SORCS2: variants seen among roughly 807,000 people sequenced by gnomAD.
SORCS2 encodes sortilin related VPS10 domain containing receptor 2.
Under a neutral mutation model 141.6 loss-of-function variants are expected in SORCS2, and 100 were observed. The observed-to-expected ratio is 0.71, with a 90% CI of 0.60 to 0.83. The LOEUF (loss-of-function observed/expected upper bound fraction) is 0.83, where lower values mean the gene tolerates loss of function less well. Ranked by LOEUF, SORCS2 falls within the 40% of genes least tolerant of loss-of-function variation. The probability of loss-of-function intolerance (pLI) is 0.00; values close to 1 mark genes in which losing one functional copy is unlikely to be tolerated. For synonymous variants in SORCS2, 789 were observed against 676.9 expected, an observed-to-expected ratio of 1.17 and a Z score of -2.57; for missense variants, 1,646 against 1,560.2, an observed-to-expected ratio of 1.05 and a Z score of -0.93.
chr4:7,582,351 G>T (rs1716213543), intron 3 of SORCS2, among the ~76,000 whole-genome samples: 1 of 152,214 alleles, frequency 6.6e-6, no homozygotes, highest in South Asian at 2.1e-4. Flanking sequence ...TGTGTGAAAT[G>T]ATTAAATACA....
chr4:7,527,912 G>C (rs992619884), intron 2 of SORCS2, among the ~76,000 whole-genome samples: 1 of 152,170 alleles, frequency 6.6e-6, no homozygotes. Flanking sequence ...GCTGAGGATG[G>C]CACCTGGACC....
intron 10 of SORCS2, among the ~76,000 whole-genome samples, chr4:7,685,928 A>T (rs1723846609): frequency 6.6e-6 from 1 of 152,204 alleles, no homozygotes; most frequent in South Asian, 2.1e-4. Context: ...AGATACAGAA[A>T]GGTATAAAAA....
chr4:7,633,617 G>A (rs1486590673), intron 3 of SORCS2, among the ~76,000 whole-genome samples: 5 of 152,326 alleles, frequency 3.3e-5, no homozygotes, highest in East Asian at 3.9e-4. Flanking sequence ...AAAACTTTGA[G>A]TGGTGAAGAC....
At chr4:7,600,672 C>T (rs911658442) in intron 3 of SORCS2, among the ~76,000 whole-genome samples, 8 of 149,304 alleles carry the variant, frequency 5.4e-5, no homozygotes, top group Non-Finnish European at 1.0e-4. Context: ...CACACACACA[C>T]ACACACACAC....
At chr4:7,433,485 C>T (rs771521999) in intron 2 of SORCS2, 1 of 1,587,382 alleles carries the variant, frequency 6.3e-7, no homozygotes, top group African/African-American at 1.3e-5. Context: ...AGGCCCCCAC[C>T]TTCTTGCACA....
intron 1 of SORCS2, among the ~76,000 whole-genome samples, chr4:7,227,562 C>T (rs1729061802): frequency 6.6e-6 from 1 of 152,116 alleles, no homozygotes; most frequent in African/African-American, 2.4e-5. Context: ...TGGCAGGGGG[C>T]ACGTTGCATC....
chr4:7,280,363 A>G (rs549849331), intron 1 of SORCS2, among the ~76,000 whole-genome samples: 1 of 152,236 alleles, frequency 6.6e-6, no homozygotes, highest in East Asian at 1.9e-4. Flanking sequence ...GACTGGACCA[A>G]AATTGACTGT....
chr4:7,249,562 G>A lies in SORCS2; in HGVS notation c.480+56436G>A, dbSNP rs989623363. Among the ~76,000 whole-genome samples the A allele has an allele frequency of 2.6e-5, 4 of 152,128 alleles. No homozygotes were observed. The East Asian group carries it at 7.7e-4, about 29-fold the overall frequency. ...TCCTTACTGTGCCACTGTCATTTGT[G>A]AGGGCTTCTAGGGCGCCAGGTCCTT... On this transcript the variant is annotated intron_variant, in intron 1 of 26. Coordinates refer to ENST00000507866, the MANE Select transcript of SORCS2 (RefSeq NM_020777.3).
chr4:7,404,005 T>TTTTTTG (rs1724801211), intron 2 of SORCS2, among the ~76,000 whole-genome samples: 1 of 59,760 alleles, frequency 1.7e-5, no homozygotes, highest in Non-Finnish European at 3.7e-5. Flanking sequence ...ATATTTTTTT[T>TTTTTTG]TTTTTTTTAG....
At chr4:7,246,340 GGCTTAAATGAAC>G (rs1417854742) in intron 1 of SORCS2, among the ~76,000 whole-genome samples, 5 of 152,130 alleles carry the variant, frequency 3.3e-5, no homozygotes. Context: ...GTGTTATTAT[GGCTTAAATGAAC>G]CCACAGATCT....
At chr4:7,392,363 T>C (rs1723921564) in intron 1 of SORCS2, among the ~76,000 whole-genome samples, 1 of 152,016 alleles carries the variant, frequency 6.6e-6, no homozygotes. Flanking sequence ...CATCAGGGGC[T>C]TTGGGGTTGG....
intron 3 of SORCS2, among the ~76,000 whole-genome samples, chr4:7,631,580 G>A (rs560277249): frequency 6.6e-4 from 100 of 152,178 alleles, no homozygotes; most frequent in Non-Finnish European, 9.1e-4. Context: ...CTCTCTGCTC[G>A]GGGCTGCCCT....
intron 1 of SORCS2, among the ~76,000 whole-genome samples, chr4:7,282,187 A>G (rs1041186411): frequency 6.6e-6 from 1 of 152,192 alleles, no homozygotes; most frequent in African/African-American, 2.4e-5. Context: ...GGAAGATCCT[A>G]TCAGTGCCGG....
intron 4 of SORCS2, among the ~76,000 whole-genome samples, chr4:7,639,736 TGA>T (rs796682730): frequency 9.9e-5 from 15 of 151,452 alleles, no homozygotes; most frequent in African/African-American, 3.2e-4. Context: ...GGTGTGGGTG[TGA>T]GACTGTGAAT....
intron 2 of SORCS2, among the ~76,000 whole-genome samples, chr4:7,470,982 G>C (rs1025782214): frequency 3.3e-5 from 5 of 152,128 alleles, no homozygotes; most frequent in African/African-American, 4.8e-5. Flanking sequence ...GTCAGACAGA[G>C]TAGTCATGGG....
chr4:7,721,676 C>T (rs1726597351), intron 18 of SORCS2, among the ~76,000 whole-genome samples: 1 of 152,110 alleles, frequency 6.6e-6, no homozygotes, highest in Admixed American at 6.6e-5. Context: ...GGCTAATGTG[C>T]GGAAGTGGGT....
At chr4:7,682,235 A>C (rs965085097) in intron 9 of SORCS2, among the ~76,000 whole-genome samples, 1 of 152,178 alleles carries the variant, frequency 6.6e-6, no homozygotes, top group African/African-American at 2.4e-5. Context: ...TAGGGTAAGC[A>C]TGGACCCTCC....
chr4:7,691,346 G>A (rs528000924), intron 11 of SORCS2, among the ~76,000 whole-genome samples: 1 of 152,332 alleles, frequency 6.6e-6, no homozygotes, highest in African/African-American at 2.4e-5. Flanking sequence ...ATGTTGTGAT[G>A]GCAGGAATGG....
intron 1 of SORCS2, among the ~76,000 whole-genome samples, chr4:7,339,084 C>T (rs1295389896): frequency 1.3e-5 from 2 of 152,246 alleles, no homozygotes; most frequent in Non-Finnish European, 2.9e-5. Flanking sequence ...GTGGTATCAC[C>T]TGCCATTTCG....
Sources: gnomAD v4.1 joint callset for allele counts (sites outside exome capture counted in the v4.1 genomes callset) on GRCh38, gnomAD v4.1.1 for gene constraint, MANE v1.5 for transcripts, NCBI Gene and HGNC (gene_info 2026-07-23, HGNC 2026-07-21) for gene names.